Variants in MYO10 observed in about 807,000 individuals in gnomAD.
The protein encoded by MYO10 is myosin X.
MYO10 carries 133 observed loss-of-function variants against 257.3 expected under a neutral mutation model. The observed-to-expected ratio is 0.52, with a 90% CI of 0.45 to 0.60. MYO10 has a LOEUF of 0.60. Ranked by LOEUF, MYO10 falls within the 20% of genes least tolerant of loss-of-function variation. MYO10 has a pLI of 0.00. For missense variants in MYO10, 2,399 were observed against 2,635.7 expected (o/e 0.91, Z 1.97); for synonymous variants, 1,104 against 1,028.6 (o/e 1.07, Z -1.40).
intron 2 of MYO10, among the ~76,000 whole-genome samples, chr5:16,830,777 C>CATTTACAAT (rs1743143146): frequency 6.6e-6 from 1 of 151,912 alleles, no homozygotes; most frequent in African/African-American, 2.4e-5. Context: ...ATTTATAGCA[C>CATTTACAAT]ATTTACAATA....
intron 21 of MYO10, 41 bp downstream of exon 21, chr5:16,710,867 G>A (rs771166907): frequency 3.9e-6 from 6 of 1,536,546 alleles, no homozygotes; most frequent in Non-Finnish European, 4.5e-6. Context: ...CCCGAGATCT[G>A]TCAGGGATTC....
chr5:16,720,297 T>A (rs1739100392), intron 19 of MYO10, among the ~76,000 whole-genome samples: 1 of 152,146 alleles, frequency 6.6e-6, no homozygotes, highest in African/African-American at 2.4e-5. Flanking sequence ...TGCCTTAACT[T>A]GGGAGCTTAT....
At chr5:16,805,040 T>G (rs375008648) in intron 3 of MYO10, among the ~76,000 whole-genome samples, 8 of 152,342 alleles carry the variant, frequency 5.3e-5, no homozygotes, top group African/African-American at 1.7e-4. Flanking sequence ...CACTGAAGTA[T>G]AGGCTACATG....
In MYO10 at chr5:16,757,309, C is replaced by CACACACAA. The variant is rs1487890015; in HGVS notation, c.1848+808_1848+809insTTGTGTGT. On this transcript the variant is annotated intron_variant, in intron 18 of 40. Transcript: ENST00000513610. ...TGTCTCACACACACACAAACACACACACACACGCACACACACACACACACA... is the reference window on the plus strand; with the variant it reads ...TGTCTCACACACACACAAACACACACACACACAAACACACGCACACACACACACACACA... 4.2e-3 allele frequency among the ~76,000 whole-genome samples: 331 copies of CACACACAA among 78,082 alleles called. 3 individuals are homozygous for CACACACAA. The highest frequency in any genetic ancestry group is 0.014 in the African/African-American group (321 of 22,706). 51.2% of individuals were successfully genotyped at this position (78,082 alleles called of 152,430 possible).
intron 33 of MYO10, among the ~76,000 whole-genome samples, chr5:16,678,800 C>A (rs932013551): frequency 6.6e-6 from 1 of 152,210 alleles, no homozygotes; most frequent in African/African-American, 2.4e-5. Context: ...AAAATACCTG[C>A]CTCACCATCA....
chr5:16,673,632 A>G (rs1303340433), intron 36 of MYO10, 50 bp downstream of exon 36: 42 of 1,562,334 alleles, frequency 2.7e-5, no homozygotes, highest in Non-Finnish European at 3.5e-5. Flanking sequence ...ACGCAGGTGT[A>G]TCTGCAGCAA....
intron 1 of MYO10, among the ~76,000 whole-genome samples, chr5:16,880,611 C>T (rs188889228): frequency 7.9e-4 from 120 of 152,246 alleles, no homozygotes; most frequent in African/African-American, 2.8e-3. Flanking sequence ...ATATTAAGTG[C>T]TCCTATATAA....
At chr5:16,668,638 G>A (rs1736291368) in intron 39 of MYO10, among the ~76,000 whole-genome samples, 170 bp from the exon 40 acceptor site, 1 of 152,170 alleles carries the variant, frequency 6.6e-6, no homozygotes, top group African/African-American at 2.4e-5. Flanking sequence ...CACCTCTCTG[G>A]CTATCTTGAT....
intron 19 of MYO10, among the ~76,000 whole-genome samples, chr5:16,754,356 T>C (rs1340395381): frequency 6.6e-6 from 1 of 152,036 alleles, no homozygotes; most frequent in East Asian, 1.9e-4. Flanking sequence ...TTCTAATTAG[T>C]TATAAACAAC....
chr5:16,738,290 C>T, intron 19 of MYO10: 2 of 985,382 alleles, frequency 2.0e-6, no homozygotes, highest in Non-Finnish European at 1.2e-6. Flanking sequence ...GGGTGGTTAG[C>T]AGTGTCCCAG....
At chr5:16,713,254 C>A in intron 19 of MYO10, 1 of 932,220 alleles carries the variant, frequency 1.1e-6, no homozygotes, top group Non-Finnish European at 1.3e-6. Context: ...ATTCCCCAGT[C>A]CGAAGCTCGA....
chr5:16,872,436 T>C (rs982176642), intron 2 of MYO10, among the ~76,000 whole-genome samples: 2 of 152,120 alleles, frequency 1.3e-5, no homozygotes, highest in African/African-American at 4.8e-5. Flanking sequence ...ATGAAAACAT[T>C]CTTGAGATCT....
chr5:16,862,573 T>G (rs74537408), intron 2 of MYO10, among the ~76,000 whole-genome samples: 8,274 of 152,262 alleles, frequency 0.054, 254 homozygotes, highest in African/African-American at 0.071. Flanking sequence ...TAAATATAAT[T>G]TTATTATACA....
intron 19 of MYO10, chr5:16,737,993 T>C: frequency 3.5e-6 from 2 of 566,316 alleles, no homozygotes; most frequent in Non-Finnish European, 4.5e-6. Flanking sequence ...TTCAAAGTGC[T>C]AAACAGGTGA....
intron 1 of MYO10, 35 bp downstream of exon 1, chr5:16,935,753 C>G: frequency 1.2e-6 from 2 of 1,613,190 alleles, no homozygotes; most frequent in South Asian, 2.2e-5. Context: ...TCTCCCTGGG[C>G]TCCGGAGGCC....
chr5:16,723,507 C>CTCA (rs1739237567), intron 19 of MYO10, among the ~76,000 whole-genome samples: 1 of 152,152 alleles, frequency 6.6e-6, no homozygotes, highest in Admixed American at 6.5e-5. Flanking sequence ...AACAAGAACT[C>CTCA]TCACCCAGAA....
rs1736652207 is a variant in MYO10, at chr5:16,674,888, T to G, written c.4929A>C (p.Arg1643=). 2.5e-6 allele frequency: 4 copies of G among 1,613,838 alleles called. No homozygotes were observed. In the Admixed American group the frequency reaches 6.7e-5, roughly 27 times the overall value. ...GGAACTTGAGATACTTGAGAATCCCTCGACTCGGCAGGAAGGTGCAGCTCA... is the reference window on the plus strand; with the variant it reads ...GGAACTTGAGATACTTGAGAATCCCGCGACTCGGCAGGAAGGTGCAGCTCA... ...TCLSCTFLPS[R]GILKYLKFHL... Residue 1643 remains arginine, a synonymous_variant, in exon 35 of 41, where the codon CGA becomes CGC. Coordinates refer to ENST00000513610, the MANE Select transcript of MYO10 (RefSeq NM_012334.3).
At chr5:16,696,560 T>C (rs1737753731) in intron 26 of MYO10, among the ~76,000 whole-genome samples, 1 of 152,182 alleles carries the variant, frequency 6.6e-6, no homozygotes, top group African/African-American at 2.4e-5. Context: ...CCAGTAACTG[T>C]ATAATAAATC....
intron 3 of MYO10, 144 bp from the exon 4 acceptor site, chr5:16,794,977 A>G: frequency 1.8e-6 from 1 of 549,702 alleles, no homozygotes; most frequent in Non-Finnish European, 2.9e-6. Flanking sequence ...TCTGGGTACC[A>G]AATCTTGATA....
Sources: allele counts gnomAD v4.1 joint callset (sites outside exome capture counted in the v4.1 genomes callset), GRCh38; gene constraint gnomAD v4.1.1; transcripts MANE v1.5; gene names NCBI Gene and HGNC (gene_info 2026-07-23, HGNC 2026-07-21).